Variants in MRTFB observed in about 807,000 individuals in gnomAD.
MRTFB encodes myocardin related transcription factor B, also known as myocardin-related transcription factor B.
Under a neutral mutation model 104.2 loss-of-function variants are expected in MRTFB, and 29 were observed. The ratio of observed to expected loss-of-function variants is 0.28; its 90% CI spans 0.21 to 0.38. MRTFB has a LOEUF of 0.38. Ranked by LOEUF, MRTFB falls within the 10% of genes least tolerant of loss-of-function variation. MRTFB has a pLI of 1.00. For missense variants in MRTFB, 1,270 were observed against 1,341.6 expected (o/e 0.95, Z 0.83); for synonymous variants, 535 against 519.5 (o/e 1.03, Z -0.41).
At chr16:14,084,835 A>G (rs1040443156) in intron 2 of MRTFB, among the ~76,000 whole-genome samples, 1 of 152,206 alleles carries the variant, frequency 6.6e-6, no homozygotes, top group Non-Finnish European at 1.5e-5. Context: ...GGAAGGTTTC[A>G]TATGAAGCAT....
the MRTFB span, among the ~76,000 whole-genome samples, chr16:13,998,910 A>T: frequency 2.3e-5 from 3 of 131,402 alleles, no homozygotes; most frequent in South Asian, 5.0e-4. Flanking sequence ...AAAAAAAAAA[A>T]GGCCGGTCAT....
intron 3 of MRTFB, among the ~76,000 whole-genome samples, chr16:14,184,347 C>T (rs1382103707): frequency 4.0e-5 from 6 of 151,892 alleles, no homozygotes; most frequent in Non-Finnish European, 5.9e-5. Flanking sequence ...CTCAGCCTCC[C>T]GAGCAGCTGG....
At chr16:14,104,763 A>G (rs911685991) in intron 2 of MRTFB, among the ~76,000 whole-genome samples, 1 of 152,242 alleles carries the variant, frequency 6.6e-6, no homozygotes. Flanking sequence ...TACTTAATGC[A>G]GGGATGTAGG....
intron 2 of MRTFB, among the ~76,000 whole-genome samples, chr16:14,095,967 G>C (rs2035340070): frequency 6.6e-6 from 1 of 152,120 alleles, no homozygotes; most frequent in Non-Finnish European, 1.5e-5. Context: ...AGGGAATCAT[G>C]TCAGGCAAAA....
chr16:14,218,673 G>T, intron 7 of MRTFB, 147 bp from the exon 8 acceptor site: 1 of 695,794 alleles, frequency 1.4e-6, no homozygotes, highest in Non-Finnish European at 2.3e-6. Flanking sequence ...TTAGTGGTGT[G>T]TTCTTGCACT....
the MRTFB span, among the ~76,000 whole-genome samples, chr16:14,023,707 T>A: frequency 6.6e-6 from 1 of 151,764 alleles, no homozygotes; most frequent in East Asian, 1.9e-4. Context: ...ATTTTATATG[T>A]GTGTTGCAAG....
At chr16:14,043,202 A>G in the MRTFB span, among the ~76,000 whole-genome samples, 194 of 152,250 alleles carry the variant, frequency 1.3e-3, 1 homozygote, top group African/African-American at 4.5e-3. Context: ...TGCTGTCTAC[A>G]TCTTATGTCT....
At chr16:14,064,824 AT>A in the MRTFB span, among the ~76,000 whole-genome samples, 1 of 152,132 alleles carries the variant, frequency 6.6e-6, no homozygotes. Flanking sequence ...ATATGTATCT[AT>A]TTTTGTACCA....
At chr16:14,256,176 G>GAAAAAAAAA in intron 15 of MRTFB, among the ~76,000 whole-genome samples, 1 of 91,192 alleles carries the variant, frequency 1.1e-5, no homozygotes, top group East Asian at 3.7e-4. Flanking sequence ...TTAAGGACAG[G>GAAAAAAAAA]AAAGAAAAAC....
intron 1 of MRTFB, among the ~76,000 whole-genome samples, chr16:14,071,841 C>T (rs1170415162): frequency 2.6e-5 from 4 of 152,192 alleles, no homozygotes; most frequent in African/African-American, 7.2e-5. Flanking sequence ...CAGCCCTTTT[C>T]TCCTGGGGTC....
intron 3 of MRTFB, among the ~76,000 whole-genome samples, chr16:14,185,624 G>A (rs756472): frequency 0.23 from 35,280 of 151,246 alleles, 7,814 homozygotes; most frequent in African/African-American, 0.57. Context: ...CCATGCTACA[G>A]ATGTTTATTG....
chr16:14,097,215 T>C (rs1186440883), intron 2 of MRTFB, among the ~76,000 whole-genome samples: 1 of 152,220 alleles, frequency 6.6e-6, no homozygotes, highest in African/African-American at 2.4e-5. Flanking sequence ...ACATAGAGTA[T>C]ATGTGCAATA....
intron 3 of MRTFB, 90 bp from the exon 4 acceptor site, chr16:14,210,153 A>T: frequency 3.3e-6 from 3 of 916,302 alleles, no homozygotes; most frequent in Non-Finnish European, 5.1e-6. Flanking sequence ...AAGATGCTTG[A>T]TAAAGCTTAA....
At chr16:14,223,926 A>G (rs1229739919) in intron 8 of MRTFB, among the ~76,000 whole-genome samples, 3 of 152,226 alleles carry the variant, frequency 2.0e-5, no homozygotes, top group African/African-American at 7.2e-5. Context: ...TTCTCACACC[A>G]CTATAAAGAA....
At chr16:14,033,833 C>G in the MRTFB span, among the ~76,000 whole-genome samples, 2 of 70,674 alleles carry the variant, frequency 2.8e-5, no homozygotes, top group Non-Finnish European at 6.7e-5. Context: ...GAGACTCAGT[C>G]TCAAAAAAAA....
chr16:14,145,209 A>C (rs1003698586), intron 3 of MRTFB, among the ~76,000 whole-genome samples: 6 of 151,778 alleles, frequency 4.0e-5, no homozygotes, highest in African/African-American at 9.7e-5. Context: ...AGTCATACAA[A>C]ATGCAGGTGT....
intron 7 of MRTFB, among the ~76,000 whole-genome samples, chr16:14,217,769 TACTA>T (rs1319862402): frequency 7.2e-5 from 11 of 152,282 alleles, no homozygotes; most frequent in African/African-American, 1.7e-4. Context: ...TTAATATTTT[TACTA>T]ACTTTTTATT....
the MRTFB span, among the ~76,000 whole-genome samples, chr16:14,010,487 G>A: frequency 0.016 from 2,466 of 152,202 alleles, 55 homozygotes; most frequent in African/African-American, 0.056. Flanking sequence ...TTTTTGTAGA[G>A]ATGGGGATTT....
intron 8 of MRTFB, 23 bp downstream of exon 8, chr16:14,219,021 C>A: frequency 6.4e-7 from 1 of 1,553,154 alleles, no homozygotes. Flanking sequence ...TGGTTTTGAC[C>A]CCTAAAGAAA....
Sources: gnomAD v4.1 joint callset for allele counts (sites outside exome capture counted in the v4.1 genomes callset) on GRCh38, gnomAD v4.1.1 for gene constraint, MANE v1.5 for transcripts, NCBI Gene and HGNC (gene_info 2026-07-23, HGNC 2026-07-21) for gene names.